The following NINJ2 variants were observed in gnomAD, a reference collection of about 807,000 sequenced individuals.
The protein encoded by NINJ2 is ninjurin-2.
NINJ2 carries 12 observed loss-of-function variants against 11.7 expected under a neutral mutation model. The observed-to-expected ratio is 1.02, with a 90% CI of 0.66 to 1.66. The LOEUF is 1.66. Among genes scored for constraint, NINJ2 ranks in the 40% most tolerant of loss-of-function variants. The probability of loss-of-function intolerance (pLI) is 0.00; values close to 1 mark genes in which losing one functional copy is unlikely to be tolerated. For synonymous variants in NINJ2, 93 were observed against 76.8 expected (o/e 1.21, Z -1.10); for missense variants, 187 against 181.8 (o/e 1.03, Z -0.16).
intron 1 of NINJ2, among the ~76,000 whole-genome samples, chr12:579,046 A>G (rs1369181883): frequency 2.6e-5 from 4 of 152,226 alleles, no homozygotes; most frequent in Non-Finnish European, 4.4e-5. Context: ...AGAACAATTA[A>G]TCATGAAGCA....
At chr12:621,025 C>T (rs1948146647) in intron 1 of NINJ2, among the ~76,000 whole-genome samples, 1 of 152,172 alleles carries the variant, frequency 6.6e-6, no homozygotes, top group Non-Finnish European at 1.5e-5. Context: ...GGATGTGGCT[C>T]CTAATTCCAA....
chr12:636,753 G>T (rs574844034), intron 1 of NINJ2, among the ~76,000 whole-genome samples: 2 of 152,310 alleles, frequency 1.3e-5, no homozygotes, highest in East Asian at 3.9e-4. Flanking sequence ...GTTTTGGTAA[G>T]GATACAGAGA....
chr12:611,864 C>A (rs4980841), intron 1 of NINJ2, among the ~76,000 whole-genome samples: 32,234 of 152,192 alleles, frequency 0.21, 3,612 homozygotes, highest in East Asian at 0.31. Flanking sequence ...AGGTTGCCCC[C>A]CAATATCTAT....
rs1160871577 is a variant in NINJ2 at position 629,896 on chromosome 12, A to AATATATATAT, written c.33+33422_33+33431dup. On this transcript the variant is annotated intron_variant, in intron 1 of 3. Coordinates refer to ENST00000305108, the MANE Select transcript of NINJ2 (RefSeq NM_016533.6). ...GAGCAAAACTCAAAAAAAAAAAAAA[A>AATATATATAT]ATATATATATATATATATATATATA... is the stretch of plus-strand genomic sequence containing the variant. Among the ~76,000 whole-genome samples, 68 of 9,850 alleles carry AATATATATAT rather than the reference A, an allele frequency of 6.9e-3. 2 individuals are homozygous for AATATATATAT. Among genetic ancestry groups the AATATATATAT allele is most frequent in the East Asian group, 0.022 (2 of 90 alleles). 6.5% of individuals were successfully genotyped at this position (9,850 alleles called of 152,430 possible).
In NINJ2 at chr12:591,077, A is replaced by G. The variant is rs1354791324; in HGVS notation, c.34-24899T>C. 1 of 152,232 alleles carries G rather than the reference A, an allele frequency of 6.6e-6. No individual in the cohort carries two copies. Among genetic ancestry groups the G allele is most frequent in the African/African-American group, 2.4e-5 (1 of 41,448 alleles). 9.4% of individuals were successfully genotyped at this position (152,232 alleles called of 1,614,324 possible). ...AGAATCCAGGACACTAGCACTCACT[A>G]TCAAGGTTATAGGGAGGTGGCAGAG... On this transcript the variant is annotated intron_variant, in intron 1 of 3. Transcript: ENST00000305108. This position sits in a 1 kb window ranked among gnomAD's most constrained non-coding sequence, Gnocchi z 5.0.
At chr12:617,100 G>A (rs1948101567) in intron 1 of NINJ2, among the ~76,000 whole-genome samples, 1 of 152,134 alleles carries the variant, frequency 6.6e-6, no homozygotes, top group South Asian at 2.1e-4. Context: ...CTGCTACTCG[G>A]GAGGCTGAGG....
At position 614,220 on chromosome 12, in the gene NINJ2, A is replaced by G. The variant is rs1016973793; in HGVS notation, c.34-48042T>C. On this transcript the variant is annotated intron_variant, in intron 1 of 3. Coordinates refer to ENST00000305108, the MANE Select transcript of NINJ2 (RefSeq NM_016533.6). The surrounding 1 kb of genome is among the most constrained non-coding windows in gnomAD (Gnocchi z 5.1). Reference sequence around the variant, plus strand: ...CAGCCTTCTCCACAGGCACCTGCTCAGCTTGGTTTGGGTCCATGGGTATTG... The same window carrying G: ...CAGCCTTCTCCACAGGCACCTGCTCGGCTTGGTTTGGGTCCATGGGTATTG... Among the ~76,000 whole-genome samples the G allele has an allele frequency of 1.3e-5, 2 of 152,184 alleles. No individual in the cohort carries two copies. The highest frequency in any genetic ancestry group is 4.8e-5 in the African/African-American group (2 of 41,454).
intron 1 of NINJ2, among the ~76,000 whole-genome samples, chr12:567,809 T>C (rs1947322455): frequency 6.6e-6 from 1 of 152,122 alleles, no homozygotes; most frequent in Non-Finnish European, 1.5e-5. Flanking sequence ...AGTTTGAGAC[T>C]AGCCTGGCCA....
intron 1 of NINJ2, among the ~76,000 whole-genome samples, chr12:576,772 C>G (rs1947467352): frequency 1.3e-5 from 2 of 152,228 alleles, no homozygotes; most frequent in South Asian, 2.1e-4. Flanking sequence ...GTGGATTTAC[C>G]TACCACACAG....
chr12:565,260 G>A lies in NINJ2; in HGVS notation c.404C>T (p.Ala135Val), dbSNP rs555731031. Reference protein sequence around the residue: ...FGAHKTGFLAARASRNPL With the variant: ...FGAHKTGFLAVRASRNPL ...TCAGAGAGGATTCCTTGAGGCCCTG[G>A]CAGCCAGGAACCCTGTTTTATGTGC... The change falls in exon 3 of 4, where the codon GCC (alanine) becomes GTC (valine). Residue 135 changes from alanine (A) to valine (V), a missense_variant. Coordinates refer to ENST00000305108, the MANE Select transcript of NINJ2 (RefSeq NM_016533.6). 24 of 1,614,022 alleles carry A rather than the reference G, an allele frequency of 1.5e-5. No individual in the cohort carries two copies. The African/African-American group carries it at 2.9e-4, about 20-fold the overall frequency.
At chr12:657,051 A>G (rs1349893744) in intron 1 of NINJ2, among the ~76,000 whole-genome samples, 2 of 152,220 alleles carry the variant, frequency 1.3e-5, no homozygotes, top group Admixed American at 1.3e-4. Context: ...AAACTCATAA[A>G]TGATAATATA....
chr12:604,797 C>T (rs188528134), intron 1 of NINJ2, among the ~76,000 whole-genome samples: 40 of 152,298 alleles, frequency 2.6e-4, no homozygotes, highest in African/African-American at 9.6e-4. Context: ...TGAAAGTCTA[C>T]TTACAGAGCA....
At position 653,850 on chromosome 12, in the gene NINJ2, A is replaced by G. The variant is rs756403883; in HGVS notation, c.33+9478T>C. Among the ~76,000 whole-genome samples, 18 of 152,352 alleles carry G rather than the reference A, an allele frequency of 1.2e-4. 1 individual carries two copies. The South Asian group carries it at 3.5e-3, about 30-fold the overall frequency. ...AGGCAGAAATTGTCAGGATGGACACAAAAAGAAGACTCAACTGTATGTTGT... is the reference window on the plus strand; with the variant it reads ...AGGCAGAAATTGTCAGGATGGACACGAAAAGAAGACTCAACTGTATGTTGT... On this transcript the variant is annotated intron_variant, in intron 1 of 3. Coordinates refer to ENST00000305108, the MANE Select transcript of NINJ2 (RefSeq NM_016533.6).
intron 1 of NINJ2, among the ~76,000 whole-genome samples, chr12:649,582 A>G (rs918552494): frequency 5.6e-5 from 8 of 143,716 alleles, no homozygotes; most frequent in African/African-American, 2.0e-4. Context: ...TCATTTGCAT[A>G]TAGGCACACC....
intron 2 of NINJ2, 52 bp from the exon 3 acceptor site, chr12:565,453 G>T (rs987510068): frequency 6.4e-7 from 1 of 1,571,174 alleles, no homozygotes; most frequent in Non-Finnish European, 8.7e-7. Context: ...CCACAGCACG[G>T]AGCTGCCCCC....
rs767191449 is a variant in NINJ2 at position 581,113 on chromosome 12, CTG to C, written c.34-14937_34-14936del. On this transcript the variant is annotated intron_variant, in intron 1 of 3. Transcript: ENST00000305108. This position sits in a 1 kb window ranked among gnomAD's most constrained non-coding sequence, Gnocchi z 4.9. ...TGCATGTGTCTCTGTGTGTCTGTGTCTGTGTGTGCGTGTCTCTGTGCCTCTGT... is the reference window on the plus strand; with the variant it reads ...TGCATGTGTCTCTGTGTGTCTGTGTCTGTGTGCGTGTCTCTGTGCCTCTGT... Among the ~76,000 whole-genome samples, 1 of 137,616 alleles carries C rather than the reference CTG, an allele frequency of 7.3e-6. No homozygotes were observed. Among genetic ancestry groups the C allele is most frequent in the Non-Finnish European group, 1.6e-5 (1 of 62,704 alleles). The allele number at this position is 137,616 out of a possible 152,430, so 90.3% of individuals were successfully genotyped here.
chr12:570,041 A>G (rs933394533), intron 1 of NINJ2, among the ~76,000 whole-genome samples: 6 of 152,218 alleles, frequency 3.9e-5, no homozygotes, highest in Admixed American at 1.3e-4. Flanking sequence ...GACCCCTCCG[A>G]GGCCCAGGAC....
At chr12:607,947 T>G (rs1040643128) in intron 1 of NINJ2, among the ~76,000 whole-genome samples, 6 of 152,154 alleles carry the variant, frequency 3.9e-5, no homozygotes, top group Non-Finnish European at 7.4e-5. Context: ...ACCGTCTTTG[T>G]GCTGGGGGTT....
chr12:632,708 G>A (rs1164164325), intron 1 of NINJ2: 1 of 152,184 alleles, frequency 6.6e-6, no homozygotes, highest in African/African-American at 2.4e-5. Flanking sequence ...TGGGGGTGGG[G>A]GTGGAGAGAG....
Sources: gnomAD v4.1 joint callset for allele counts (sites outside exome capture counted in the v4.1 genomes callset) on GRCh38, gnomAD v4.1.1 for gene constraint, Gnocchi (gnomAD v3.1) non-coding constraint, MANE v1.5 for transcripts, NCBI Gene and HGNC (gene_info 2026-07-23, HGNC 2026-07-21) for gene names.